The following CLSTN2 variants were observed in gnomAD, a reference collection of about 807,000 sequenced individuals.
The protein encoded by CLSTN2 is calsyntenin-2.
Under a neutral mutation model 101.2 loss-of-function variants are expected in CLSTN2, and 48 were observed. That is an observed-to-expected ratio of 0.47 (90% CI 0.38 to 0.60). The LOEUF (loss-of-function observed/expected upper bound fraction) is 0.60, where lower values mean the gene tolerates loss of function less well. Ranked by LOEUF, CLSTN2 falls within the 20% of genes least tolerant of loss-of-function variation. CLSTN2 has a pLI of 0.00. For missense variants in CLSTN2, 1,160 were observed against 1,238.2 expected (o/e 0.94, Z 0.95); for synonymous variants, 481 against 463.6 (o/e 1.04, Z -0.48).
intron 2 of CLSTN2, among the ~76,000 whole-genome samples, chr3:140,240,219 CACAT>C (rs1559816240): frequency 3.4e-5 from 1 of 29,722 alleles, no homozygotes; most frequent in African/African-American, 1.1e-4. Context: ...CACACACACA[CACAT>C]ATATATATAT....
intron 1 of CLSTN2, among the ~76,000 whole-genome samples, chr3:139,971,058 T>C (rs917432679): frequency 1.3e-5 from 2 of 152,216 alleles, no homozygotes; most frequent in Admixed American, 6.5e-5. Context: ...CAAACTTTCT[T>C]CTTTGCACTC....
chr3:140,116,800 G>C (rs1022983470), intron 1 of CLSTN2, among the ~76,000 whole-genome samples: 7 of 152,134 alleles, frequency 4.6e-5, no homozygotes, highest in African/African-American at 1.2e-4. Flanking sequence ...TGGTATGCTT[G>C]TGCTGAGACA....
chr3:139,994,506 T>G (rs564948491), intron 1 of CLSTN2, among the ~76,000 whole-genome samples: 1 of 152,324 alleles, frequency 6.6e-6, no homozygotes, highest in Admixed American at 6.5e-5. Context: ...AAGTATTCTG[T>G]CTTTATTATT....
chr3:140,511,924 C>A (rs779701095), intron 8 of CLSTN2, among the ~76,000 whole-genome samples: 1 of 151,890 alleles, frequency 6.6e-6, no homozygotes, highest in African/African-American at 2.4e-5. Flanking sequence ...TGTTTGTTGG[C>A]CACAAGTATG....
chr3:140,223,847 T>C (rs942090792), intron 2 of CLSTN2, among the ~76,000 whole-genome samples: 5 of 152,218 alleles, frequency 3.3e-5, no homozygotes, highest in Non-Finnish European at 5.9e-5. Flanking sequence ...TTTTTCAAGA[T>C]GACTCACATG....
Position 140,376,478 on chromosome 3 carries a change from A to AT in CLSTN2, c.233-27146dup, listed in dbSNP as rs1466139389. 1.1e-4 allele frequency among the ~76,000 whole-genome samples: 16 copies of AT among 152,294 alleles called. 1 individual carries two copies. Among genetic ancestry groups the AT allele is most frequent in the African/African-American group, 3.6e-4 (15 of 41,574 alleles). On this transcript the variant is annotated intron_variant, in intron 2 of 16. Transcript: ENST00000458420. Reference sequence around the variant, plus strand: ...TGCCAAAGATTCCCCTCCTTTCTGCATTTTTCCTCTATTTCTTCTCAGTTT... The same window carrying AT: ...TGCCAAAGATTCCCCTCCTTTCTGCATTTTTTCCTCTATTTCTTCTCAGTTT...
At position 140,556,577 on chromosome 3, in the gene CLSTN2, G is replaced by A. The variant is rs763069612; in HGVS notation, c.1739G>A (p.Arg580His). The change falls in exon 11 of 17, where the codon CGT becomes CAT. Residue 580 changes from arginine to histidine, a missense_variant. Coordinates refer to ENST00000458420, the MANE Select transcript of CLSTN2 (RefSeq NM_022131.3). ...MEGDDIGNIN[R>H]ALQKVSYINS... ...GGTGACGACATTGGGAACATTAACCGTGCTCTCCAGAAAGTCTCCTACATC... is the reference window on the plus strand; with the variant it reads ...GGTGACGACATTGGGAACATTAACCATGCTCTCCAGAAAGTCTCCTACATC... The A allele has an allele frequency of 4.3e-5, 70 of 1,613,930 alleles. No homozygotes were observed. In the Admixed American group the frequency reaches 1.0e-3, roughly 24 times the overall value.
intron 2 of CLSTN2, among the ~76,000 whole-genome samples, chr3:140,292,755 C>T (rs1355324613): frequency 3.9e-5 from 6 of 152,154 alleles, no homozygotes; most frequent in Admixed American, 6.5e-5. Flanking sequence ...GCAATATAGC[C>T]GTCATGGGGC....
At chr3:140,534,445 A>T (rs530975425) in intron 9 of CLSTN2, among the ~76,000 whole-genome samples, 1 of 152,308 alleles carries the variant, frequency 6.6e-6, no homozygotes, top group South Asian at 2.1e-4. Flanking sequence ...CACAAAATAA[A>T]ATGTGATTTT....
At chr3:139,981,746 A>G (rs547153801) in intron 1 of CLSTN2, among the ~76,000 whole-genome samples, 2 of 152,134 alleles carry the variant, frequency 1.3e-5, no homozygotes, top group Non-Finnish European at 2.9e-5. Flanking sequence ...TTTTGGAGAG[A>G]ATCTTTGCTC....
At position 140,499,893 on chromosome 3, in the gene CLSTN2, T is replaced by A. The variant is rs373625080; in HGVS notation, c.1345-32431T>A. On this transcript the variant is annotated intron_variant, in intron 8 of 16. Coordinates refer to ENST00000458420, the MANE Select transcript of CLSTN2 (RefSeq NM_022131.3). ...TCCTGGCTAACACGGTGAAACCCCG[T>A]CTCTACTAAAAAATACAAAAAAAAT... Among the ~76,000 whole-genome samples, 118 of 151,936 alleles carry A rather than the reference T, an allele frequency of 7.8e-4. 1 individual carries two copies. The highest frequency in any genetic ancestry group is 3.4e-3 in the Middle Eastern group (1 of 294).
chr3:140,093,280 C>A (rs2008812607), intron 1 of CLSTN2, among the ~76,000 whole-genome samples: 2 of 152,020 alleles, frequency 1.3e-5, no homozygotes, highest in African/African-American at 2.4e-5. Context: ...CAGTAAATGA[C>A]AATTGAAGTA....
At chr3:140,561,537 A>G (rs1935913871) in intron 12 of CLSTN2, among the ~76,000 whole-genome samples, 1 of 152,208 alleles carries the variant, frequency 6.6e-6, no homozygotes, top group African/African-American at 2.4e-5. Flanking sequence ...GTTATATCAT[A>G]TTGACTTGAT....
intron 1 of CLSTN2, among the ~76,000 whole-genome samples, chr3:139,938,229 G>C (rs1935064370): frequency 6.6e-6 from 1 of 151,398 alleles, no homozygotes; most frequent in Non-Finnish European, 1.5e-5. Flanking sequence ...TTCATGTGTA[G>C]AAAAACACTG....
At chr3:140,161,766 G>A (rs569066751) in intron 1 of CLSTN2, among the ~76,000 whole-genome samples, 2 of 152,234 alleles carry the variant, frequency 1.3e-5, no homozygotes, top group South Asian at 4.2e-4. Context: ...AGCATGTGCT[G>A]TGTTTCAAGT....
At chr3:140,558,499 T>C (rs1382563719) in intron 11 of CLSTN2, 141 bp from the exon 12 acceptor site, 1 of 606,060 alleles carries the variant, frequency 1.7e-6, no homozygotes, top group Non-Finnish European at 2.9e-6. Flanking sequence ...TAAATTTGAA[T>C]GTCTGTTGAC....
intron 1 of CLSTN2, among the ~76,000 whole-genome samples, chr3:140,142,452 T>C (rs1185017274): frequency 3.3e-5 from 5 of 152,134 alleles, no homozygotes; most frequent in Non-Finnish European, 7.4e-5. Flanking sequence ...AGGGGGTAGA[T>C]TGTCCATGGC....
intron 1 of CLSTN2, among the ~76,000 whole-genome samples, chr3:140,054,969 T>C (rs2008072457): frequency 6.6e-6 from 1 of 152,216 alleles, no homozygotes; most frequent in African/African-American, 2.4e-5. Flanking sequence ...TGACTATTTA[T>C]GGAATACACC....
At chr3:140,306,527 T>C (rs1344376950) in intron 2 of CLSTN2, among the ~76,000 whole-genome samples, 1 of 152,208 alleles carries the variant, frequency 6.6e-6, no homozygotes, top group Admixed American at 6.5e-5. Context: ...AAAGGCAGAC[T>C]GATCTCCTGA....
Sources: gnomAD v4.1 joint callset for allele counts (sites outside exome capture counted in the v4.1 genomes callset) on GRCh38, gnomAD v4.1.1 for gene constraint, MANE v1.5 for transcripts, NCBI Gene and HGNC (gene_info 2026-07-23, HGNC 2026-07-21) for gene names.